CFAP54: variants seen among roughly 807,000 people sequenced by gnomAD.
The protein encoded by CFAP54 is cilia- and flagella-associated protein 54.
Under a neutral mutation model 370.4 loss-of-function variants are expected in CFAP54, and 290 were observed. The ratio of observed to expected loss-of-function variants is 0.78; its 90% CI spans 0.71 to 0.86. The LOEUF is 0.86. Ranked by LOEUF, CFAP54 falls within the 40% of genes least tolerant of loss-of-function variation. The pLI is 0.00. For missense variants in CFAP54, 3,399 were observed against 3,528.7 expected, an observed-to-expected ratio of 0.96 and a Z score of 0.93; for synonymous variants, 1,206 against 1,236.5, an observed-to-expected ratio of 0.98 and a Z score of 0.52.
intron 25 of CFAP54, among the ~76,000 whole-genome samples, chr12:96,595,902 A>G (rs185467641): frequency 0.01 from 1,540 of 152,216 alleles, 11 homozygotes; most frequent in Non-Finnish European, 0.017. Context: ...CTGAACCTTC[A>G]TTGAGTCTAT....
At chr12:96,589,836 T>C (rs778520626) in intron 23 of CFAP54, among the ~76,000 whole-genome samples, 26 of 152,120 alleles carry the variant, frequency 1.7e-4, no homozygotes, top group Non-Finnish European at 3.1e-4. Context: ...AACCTCTGCC[T>C]CCTGGGCTGA....
chr12:96,833,507 C>CGT (rs34316003), intron 66 of CFAP54, among the ~76,000 whole-genome samples: 17,748 of 144,008 alleles, frequency 0.12, 1,047 homozygotes, highest in Middle Eastern at 0.21. Context: ...CACACGCGTA[C>CGT]GTGTGTGTGT....
At chr12:96,778,477 G>T (rs916796713) in intron 60 of CFAP54, among the ~76,000 whole-genome samples, 10 of 152,108 alleles carry the variant, frequency 6.6e-5, no homozygotes, top group Non-Finnish European at 1.5e-4. Flanking sequence ...ATTCAAAAGT[G>T]CACAGCTCAC....
intron 67 of CFAP54, among the ~76,000 whole-genome samples, chr12:96,872,527 T>G (rs981199133): frequency 5.3e-5 from 8 of 152,160 alleles, no homozygotes; most frequent in African/African-American, 1.7e-4. Context: ...AAGGTATATT[T>G]CAAAAATGGA....
chr12:96,491,273 T>C (rs1029937884), intron 1 of CFAP54, among the ~76,000 whole-genome samples: 5 of 152,140 alleles, frequency 3.3e-5, no homozygotes, highest in Non-Finnish European at 5.9e-5. Context: ...ACAGGGAGAA[T>C]GGCAGATGGG....
At chr12:96,605,393 A>G (rs749718714) in intron 26 of CFAP54, among the ~76,000 whole-genome samples, 2 of 152,156 alleles carry the variant, frequency 1.3e-5, no homozygotes, top group Non-Finnish European at 2.9e-5. Flanking sequence ...ATTAGAATGT[A>G]AACAATAATG....
chr12:96,499,654 C>A (rs1431759998), intron 1 of CFAP54, among the ~76,000 whole-genome samples: 1 of 152,144 alleles, frequency 6.6e-6, no homozygotes. Flanking sequence ...ATATAAAAAC[C>A]TGCACATCGG....
chr12:96,867,083 A>T (rs1448811728), intron 67 of CFAP54, among the ~76,000 whole-genome samples: 1 of 152,182 alleles, frequency 6.6e-6, no homozygotes, highest in Non-Finnish European at 1.5e-5. Flanking sequence ...AATAAAGTAT[A>T]TGTAATGATC....
At chr12:96,540,541 G>A (rs1019057853) in intron 13 of CFAP54, among the ~76,000 whole-genome samples, 4 of 152,198 alleles carry the variant, frequency 2.6e-5, no homozygotes, top group African/African-American at 9.7e-5. Context: ...TCACTGATAT[G>A]TACAAATAAC....
At chr12:96,679,541 T>G in intron 39 of CFAP54, 59 bp from the exon 40 acceptor site, 1 of 1,523,846 alleles carries the variant, frequency 6.6e-7, no homozygotes, top group Non-Finnish European at 8.8e-7. Context: ...ACTTGCTGGC[T>G]CTTACCTTGG....
At chr12:96,495,236 T>G (rs1954936394) in intron 1 of CFAP54, among the ~76,000 whole-genome samples, 1 of 147,636 alleles carries the variant, frequency 6.8e-6, no homozygotes. Flanking sequence ...TTCTTTTCTT[T>G]TCTCCTTCCT....
At chr12:96,873,934 C>T (rs1270769177) in intron 67 of CFAP54, among the ~76,000 whole-genome samples, 1 of 152,100 alleles carries the variant, frequency 6.6e-6, no homozygotes, top group African/African-American at 2.4e-5. Flanking sequence ...CAAAGATTAC[C>T]TGACTAGAGT....
At chr12:96,764,345 G>A in intron 59 of CFAP54, 96 bp downstream of exon 59, 1 of 897,974 alleles carries the variant, frequency 1.1e-6, no homozygotes, top group Non-Finnish European at 1.7e-6. Flanking sequence ...GAAAGGAGTT[G>A]GGTGTGATAC....
intron 36 of CFAP54, among the ~76,000 whole-genome samples, chr12:96,654,832 A>ATTTTTTTTTTTTTTTTTTTTTTTTTT (rs10631171): frequency 2.3e-5 from 3 of 132,126 alleles, no homozygotes; most frequent in Non-Finnish European, 1.6e-5. Flanking sequence ...ATTTCACTTA[A>ATTTTTTTTTTTTTTTTTTTTTTTTTT]TTTTTTTTTT....
chr12:96,522,258 T>C (rs776041075), intron 8 of CFAP54, 69 bp downstream of exon 8: 82 of 1,035,454 alleles, frequency 7.9e-5, no homozygotes, highest in Non-Finnish European at 1.0e-4. Flanking sequence ...CTCCTATGTC[T>C]TTCAAGCCTA....
chr12:96,511,021 G>T (rs74856951), intron 4 of CFAP54, among the ~76,000 whole-genome samples: 1 of 151,376 alleles, frequency 6.6e-6, no homozygotes, highest in African/African-American at 2.4e-5. Context: ...ACAAAGCCTC[G>T]TTGAGATAAG....
At chr12:96,526,296 G>A (rs1486166424) in intron 8 of CFAP54, among the ~76,000 whole-genome samples, 1 of 152,180 alleles carries the variant, frequency 6.6e-6, no homozygotes, top group Non-Finnish European at 1.5e-5. Context: ...TGTGCAGGAA[G>A]TGCAGTCATT....
At chr12:96,680,154 G>T (rs1320145049) in intron 40 of CFAP54, among the ~76,000 whole-genome samples, 1 of 152,176 alleles carries the variant, frequency 6.6e-6, no homozygotes, top group Non-Finnish European at 1.5e-5. Context: ...CAGTGGCAAA[G>T]AAATGGGTAC....
At chr12:96,840,713 A>G (rs1295292722) in intron 66 of CFAP54, among the ~76,000 whole-genome samples, 3 of 148,802 alleles carry the variant, frequency 2.0e-5, no homozygotes, top group Non-Finnish European at 1.5e-5. Flanking sequence ...AGACATTATC[A>G]TTCTGTCCTC....
Sources: gnomAD v4.1 joint callset for allele counts (sites outside exome capture counted in the v4.1 genomes callset) on GRCh38, gnomAD v4.1.1 for gene constraint, MANE v1.5 for transcripts, NCBI Gene and HGNC (gene_info 2026-07-23, HGNC 2026-07-21) for gene names.